Variants in UNC93A observed in about 807,000 individuals in gnomAD.
UNC93A encodes unc-93 homolog A.
In UNC93A, 43 loss-of-function variants were observed where a neutral mutation model predicts 47.5. The ratio of observed to expected loss-of-function variants is 0.91; its 90% CI spans 0.71 to 1.17. The LOEUF (loss-of-function observed/expected upper bound fraction) is 1.17. Ranked by LOEUF, UNC93A falls within the 50% of genes most tolerant of loss-of-function variation. The pLI, the probability that UNC93A is intolerant of heterozygous loss-of-function variation, is 0.00. For synonymous variants in UNC93A, 280 were observed against 258.0 expected, an observed-to-expected ratio of 1.09 and a Z score of -0.82; for missense variants, 605 against 577.6, an observed-to-expected ratio of 1.05 and a Z score of -0.49.
intron 1 of UNC93A, among the ~76,000 whole-genome samples, chr6:167,272,355 C>T (rs539677251): frequency 2.0e-5 from 3 of 152,352 alleles, no homozygotes; most frequent in South Asian, 4.1e-4. Context: ...TTAGAGCACA[C>T]GTCCAAAGAT....
At chr6:167,294,283 C>A (rs967124281) in intron 1 of UNC93A, among the ~76,000 whole-genome samples, 2 of 152,206 alleles carry the variant, frequency 1.3e-5, no homozygotes, top group Non-Finnish European at 2.9e-5. Flanking sequence ...CAAGCACTCA[C>A]AGGGGTGCCG....
intron 1 of UNC93A, among the ~76,000 whole-genome samples, chr6:167,292,281 G>A (rs1783858404): frequency 6.6e-6 from 1 of 152,196 alleles, no homozygotes; most frequent in Admixed American, 6.5e-5. Context: ...CATTGCCACA[G>A]TGTTGTACCC....
chr6:167,277,000 C>T (rs985099700), intron 1 of UNC93A, among the ~76,000 whole-genome samples: 7 of 152,246 alleles, frequency 4.6e-5, no homozygotes, highest in South Asian at 2.1e-4. Flanking sequence ...ACAACGCCCA[C>T]CCTCCTGGGA....
In UNC93A at chr6:167,304,134, G is replaced by A; in HGVS notation, c.840+1G>A. ...ATTCCTCTCCAGCGAATACACAAGG[G>A]TATGAACGAAAGTGAGGGCCGGTGG... On this transcript the variant is annotated splice_donor_variant, in intron 5 of 7. Coordinates refer to ENST00000230256, the MANE Select transcript of UNC93A (RefSeq NM_018974.4). LOFTEE classifies it high-confidence loss of function. The A allele has an allele frequency of 1.2e-6, 2 of 1,614,168 alleles. No homozygotes were observed. The highest frequency in any genetic ancestry group is 1.7e-6 in the Non-Finnish European group (2 of 1,180,034).
intron 1 of UNC93A, among the ~76,000 whole-genome samples, chr6:167,277,490 G>A (rs992711621): frequency 6.6e-5 from 10 of 152,104 alleles, no homozygotes; most frequent in Non-Finnish European, 1.2e-4. Context: ...ACAAAAGAAC[G>A]GCCCCTCCTG....
intron 7 of UNC93A, among the ~76,000 whole-genome samples, chr6:167,311,929 G>A (rs558987918): frequency 4.8e-4 from 73 of 152,284 alleles, no homozygotes; most frequent in Non-Finnish European, 1.0e-4. Flanking sequence ...ACGCTGCCAT[G>A]TGACAGTTAG....
Position 167,285,938 on chromosome 6 carries a change from TTC to T in UNC93A, c.-51-5479_-51-5478del, listed in dbSNP as rs138265267. Among the ~76,000 whole-genome samples, 477 of 131,734 alleles carry T rather than the reference TTC, an allele frequency of 3.6e-3. 6 individuals are homozygous for T. The highest frequency in any genetic ancestry group is 8.9e-3 in the African/African-American group (299 of 33,746). The allele number at this position is 131,734 out of a possible 152,430, so 86.4% of individuals were successfully genotyped here. A position where few individuals can be genotyped will look rare whatever the true frequency, so the allele number is the denominator to read the frequency against. The stretch of plus-strand genomic sequence containing the variant: ...ATGTCCAGTGAAGAGTTAGTTTTCT[TTC>T]TCTCTCTCTCTCTCTCTCTCTATAT... On this transcript the variant is annotated intron_variant, in intron 1 of 3. Coordinates refer to the UNC93A transcript ENST00000503433.
intron 7 of UNC93A, among the ~76,000 whole-genome samples, chr6:167,309,835 C>G (rs538943106): frequency 6.6e-6 from 1 of 152,258 alleles, no homozygotes; most frequent in South Asian, 2.1e-4. Context: ...TCTGCTGCCC[C>G]AGTAATGCAG....
intron 5 of UNC93A, among the ~76,000 whole-genome samples, chr6:167,305,159 G>A (rs1340452700): frequency 6.6e-6 from 1 of 152,202 alleles, no homozygotes; most frequent in Non-Finnish European, 1.5e-5. Context: ...ACCTCAGCAG[G>A]TAGAATTTGA....
chr6:167,310,197 T>G (rs948786115), intron 7 of UNC93A, among the ~76,000 whole-genome samples: 2 of 152,260 alleles, frequency 1.3e-5, no homozygotes, highest in Non-Finnish European at 2.9e-5. Flanking sequence ...TTACCAGAAG[T>G]GCACCATGAC....
At chr6:167,305,295 A>G (rs1778352252) in intron 5 of UNC93A, among the ~76,000 whole-genome samples, 1 of 152,232 alleles carries the variant, frequency 6.6e-6, no homozygotes. Context: ...TTAAAAGAGT[A>G]GAAACAGGAT....
intron 7 of UNC93A, among the ~76,000 whole-genome samples, chr6:167,311,250 A>G (rs1185188366): frequency 2.0e-5 from 3 of 152,200 alleles, no homozygotes; most frequent in African/African-American, 7.2e-5. Flanking sequence ...CTCACCTTTC[A>G]GTCATCACTG....
chr6:167,291,793 G>A (rs929896528), intron 1 of UNC93A, among the ~76,000 whole-genome samples: 1 of 152,208 alleles, frequency 6.6e-6, no homozygotes, highest in East Asian at 1.9e-4. Flanking sequence ...CAACAGCGAG[G>A]TGCACGTTGC....
chr6:167,284,827 C>T (rs1243979117), intron 1 of UNC93A, among the ~76,000 whole-genome samples: 6 of 150,118 alleles, frequency 4.0e-5, no homozygotes, highest in East Asian at 1.9e-4. Context: ...GTTGCCAAAT[C>T]GTGGCTGCTT....
chr6:167,278,405 G>T (rs1209775930), intron 1 of UNC93A, among the ~76,000 whole-genome samples: 1 of 152,204 alleles, frequency 6.6e-6, no homozygotes, highest in Non-Finnish European at 1.5e-5. Flanking sequence ...CATCAAAGCT[G>T]CACGGTGGGT....
At chr6:167,290,524 T>C (rs535405606), upstream of UNC93A, among the ~76,000 whole-genome samples, 40 of 152,364 alleles carry the variant, frequency 2.6e-4, 1 homozygote, top group African/African-American at 8.4e-4. Context: ...TTCTTGCTTA[T>C]TAGCTATGAC....
At chr6:167,277,897 C>T (rs1218800849) in intron 1 of UNC93A, among the ~76,000 whole-genome samples, 1 of 152,052 alleles carries the variant, frequency 6.6e-6, no homozygotes, top group Non-Finnish European at 1.5e-5. Flanking sequence ...CAGCTGGCAG[C>T]TGACTTTCCT....
At chr6:167,297,834 C>G in intron 3 of UNC93A, 111 bp from the exon 4 acceptor site, 2 of 1,401,858 alleles carry the variant, frequency 1.4e-6, no homozygotes. Context: ...TGTAGTGATG[C>G]CTCCCCCCAG....
intron 7 of UNC93A, among the ~76,000 whole-genome samples, chr6:167,312,502 A>G (rs1055072030): frequency 4.6e-5 from 7 of 152,338 alleles, no homozygotes; most frequent in African/African-American, 1.7e-4. Context: ...ATTGATCTGC[A>G]TCAGCATGGG....
Sources: gnomAD v4.1 joint callset for allele counts (sites outside exome capture counted in the v4.1 genomes callset) on GRCh38, gnomAD v4.1.1 for gene constraint, MANE v1.5 for transcripts, NCBI Gene and HGNC (gene_info 2026-07-23, HGNC 2026-07-21) for gene names.